Variants in HCRTR2 observed in about 807,000 individuals in gnomAD.
HCRTR2 encodes hypocretin receptor 2.
In HCRTR2, 22 loss-of-function variants were observed where a neutral mutation model predicts 49.0. That is an observed-to-expected ratio of 0.45 (90% CI 0.32 to 0.64). The LOEUF is 0.64. HCRTR2 is among the 30% of genes least tolerant of loss of function. The pLI, the probability that HCRTR2 is intolerant of heterozygous loss-of-function variation, is 0.04. For missense variants in HCRTR2, 491 were observed against 559.4 expected (o/e 0.88, Z 1.23); for synonymous variants, 236 against 205.3 (o/e 1.15, Z -1.28).
chr6:55,118,926 A>T (rs975862413), intron 1 of HCRTR2, among the ~76,000 whole-genome samples: 9 of 151,674 alleles, frequency 5.9e-5, no homozygotes, highest in African/African-American at 1.9e-4. Context: ...TCCTTATGCT[A>T]TTCCTCCCCT....
At chr6:55,152,347 A>G (rs35107457) in intron 1 of HCRTR2, among the ~76,000 whole-genome samples, 2,378 of 152,018 alleles carry the variant, frequency 0.016, 31 homozygotes, top group Middle Eastern at 0.037. Flanking sequence ...GGATCTTTTC[A>G]TATACCTTTT....
chr6:55,260,599 C>A (rs1237038104), intron 3 of HCRTR2, among the ~76,000 whole-genome samples: 1 of 152,098 alleles, frequency 6.6e-6, no homozygotes, highest in African/African-American at 2.4e-5. Flanking sequence ...CCAACACATG[C>A]ATCCTACTGA....
At chr6:55,180,797 T>C (rs996081637) in intron 1 of HCRTR2, among the ~76,000 whole-genome samples, 15 of 151,490 alleles carry the variant, frequency 9.9e-5, no homozygotes, top group African/African-American at 3.4e-4. Context: ...ATAGATGAAC[T>C]TTTTTTAATT....
intron 1 of HCRTR2, among the ~76,000 whole-genome samples, chr6:55,224,912 G>A (rs1020723472): frequency 2.0e-5 from 3 of 152,108 alleles, no homozygotes; most frequent in Non-Finnish European, 4.4e-5. Context: ...AGTTAAAGAG[G>A]AAGAATACAT....
At chr6:55,212,726 T>G (rs1765718725) in intron 1 of HCRTR2, among the ~76,000 whole-genome samples, 1 of 152,178 alleles carries the variant, frequency 6.6e-6, no homozygotes, top group Admixed American at 6.6e-5. Context: ...GAACCAACCC[T>G]GAGACATAAT....
rs1581792318 is a variant in HCRTR2, at chr6:55,142,392, TAGAG to T, written c.-377-31816_-377-31813del. ...TTTTTTTTTTTTTTTGTATTTTTAA[TAGAG>T]AGGGGATTTCAACGTGTTAGCCAGG... is the stretch of plus-strand genomic sequence containing the variant. On this transcript the variant is annotated intron_variant, in intron 1 of 7. Transcript: ENST00000615358. 1.7e-4 allele frequency among the ~76,000 whole-genome samples: 25 copies of T among 147,554 alleles called. No individual in the cohort carries two copies. The South Asian group carries it at 5.2e-3, about 30-fold the overall frequency.
rs141908362 is a variant in HCRTR2 at position 55,111,632 on chromosome 6, C to T, written c.-378+5087C>T. Among the ~76,000 whole-genome samples, 649 of 151,938 alleles carry T rather than the reference C, an allele frequency of 4.3e-3. 5 individuals carry two copies. The highest frequency in any genetic ancestry group is 0.014 in the African/African-American group (598 of 41,530). ...CAAATCTCTGAACAGAACAATAACA[C>T]GCAGTGAGATTGAAGTGATCATTTA... On this transcript the variant is annotated intron_variant, in intron 1 of 7. Transcript: ENST00000615358.
At chr6:55,122,159 C>T (rs1364802488) in intron 1 of HCRTR2, among the ~76,000 whole-genome samples, 2 of 152,088 alleles carry the variant, frequency 1.3e-5, no homozygotes, top group South Asian at 4.1e-4. Flanking sequence ...TTGGTCTATT[C>T]AGAGATTCAA....
intron 1 of HCRTR2, among the ~76,000 whole-genome samples, chr6:55,121,616 T>C (rs1764200616): frequency 6.6e-6 from 1 of 152,202 alleles, no homozygotes; most frequent in Non-Finnish European, 1.5e-5. Flanking sequence ...ATAGCTCTTA[T>C]TATTTTGAGA....
chr6:55,266,403 G>C (rs528048896), intron 4 of HCRTR2, among the ~76,000 whole-genome samples: 1 of 152,198 alleles, frequency 6.6e-6, no homozygotes, highest in Non-Finnish European at 1.5e-5. Flanking sequence ...AGAAAGTGCT[G>C]GGAAAGTTTA....
At chr6:55,283,070 A>G (rs1446318263), downstream of HCRTR2, among the ~76,000 whole-genome samples, 1 of 152,182 alleles carries the variant, frequency 6.6e-6, no homozygotes, top group Non-Finnish European at 1.5e-5. Context: ...TCTTGTCTCA[A>G]CATATGGCCA....
At chr6:55,277,822 G>T (rs1318501291) in intron 5 of HCRTR2, among the ~76,000 whole-genome samples, 2 of 152,104 alleles carry the variant, frequency 1.3e-5, no homozygotes, top group East Asian at 3.9e-4. Flanking sequence ...CAGTTGCATG[G>T]CAGACATAAA....
chr6:55,265,204 T>A (rs1432381437), intron 4 of HCRTR2, among the ~76,000 whole-genome samples: 4 of 152,158 alleles, frequency 2.6e-5, no homozygotes, highest in African/African-American at 9.6e-5. Context: ...ATTTTCTAGA[T>A]GTTGGTGACA....
At chr6:55,213,634 G>C (rs1482552744) in intron 1 of HCRTR2, among the ~76,000 whole-genome samples, 4 of 152,126 alleles carry the variant, frequency 2.6e-5, no homozygotes, top group Non-Finnish European at 5.9e-5. Flanking sequence ...TTCTGGCATA[G>C]CACAGTGCAA....
At chr6:55,252,424 G>A (rs1415624057) in intron 2 of HCRTR2, among the ~76,000 whole-genome samples, 2 of 152,056 alleles carry the variant, frequency 1.3e-5, no homozygotes, top group Non-Finnish European at 2.9e-5. Context: ...ACTAAGGCTT[G>A]ATGAACACTT....
At chr6:55,231,539 T>A (rs1049270683) in intron 1 of HCRTR2, among the ~76,000 whole-genome samples, 3 of 152,122 alleles carry the variant, frequency 2.0e-5, no homozygotes, top group Non-Finnish European at 2.9e-5. Context: ...AAAGCCAAGA[T>A]TTTATAAAGT....
intron 1 of HCRTR2, among the ~76,000 whole-genome samples, chr6:55,217,085 C>T (rs983313209): frequency 1.3e-5 from 2 of 152,104 alleles, no homozygotes; most frequent in Non-Finnish European, 2.9e-5. Flanking sequence ...GAATGATGCG[C>T]TCACATGAAG....
At chr6:55,176,730 T>G (rs1412433981) in intron 1 of HCRTR2, among the ~76,000 whole-genome samples, 2 of 152,184 alleles carry the variant, frequency 1.3e-5, no homozygotes, top group Non-Finnish European at 2.9e-5. Context: ...TATTCCACTC[T>G]AGAGCTAAAA....
chr6:55,277,079 C>T (rs1767090203), intron 4 of HCRTR2, among the ~76,000 whole-genome samples: 1 of 152,166 alleles, frequency 6.6e-6, no homozygotes, highest in East Asian at 1.9e-4. Flanking sequence ...CTTTATCATT[C>T]TCCTTTCCCA....
Sources: gnomAD v4.1 joint callset for allele counts (sites outside exome capture counted in the v4.1 genomes callset) on GRCh38, gnomAD v4.1.1 for gene constraint, MANE v1.5 for transcripts, NCBI Gene and HGNC (gene_info 2026-07-23, HGNC 2026-07-21) for gene names.